Variants in FBXL20 observed in about 807,000 individuals in gnomAD.
FBXL20 encodes F-box and leucine rich repeat protein 20.
In FBXL20, 11 loss-of-function variants were observed where a neutral mutation model predicts 64.0. The ratio of observed to expected loss-of-function variants is 0.17; its 90% CI spans 0.11 to 0.28. FBXL20 has a LOEUF of 0.28. Ranked by LOEUF, FBXL20 falls within the 10% of genes least tolerant of loss-of-function variation. The pLI is 1.00. For missense variants in FBXL20, 303 were observed against 526.2 expected, an observed-to-expected ratio of 0.58 and a Z score of 4.15; for synonymous variants, 184 against 189.0, an observed-to-expected ratio of 0.97 and a Z score of 0.22.
intron 13 of FBXL20, 100 bp downstream of exon 13, chr17:39,265,297 C>T (rs575189843): frequency 3.0e-4 from 267 of 882,502 alleles, no homozygotes; most frequent in East Asian, 1.3e-3. Context: ...GCATCCTTTC[C>T]TAAAATGGTA....
intron 1 of FBXL20, among the ~76,000 whole-genome samples, chr17:39,388,590 T>C (rs2048105213): frequency 6.6e-6 from 1 of 150,516 alleles, no homozygotes; most frequent in African/African-American, 2.4e-5. Flanking sequence ...TTCAAGCAAT[T>C]CTCCTGCCTC....
intron 2 of FBXL20, among the ~76,000 whole-genome samples, chr17:39,330,405 G>A (rs1269002066): frequency 6.6e-6 from 1 of 152,136 alleles, no homozygotes; most frequent in African/African-American, 2.4e-5. Context: ...CATGAGGTCA[G>A]GAATTCAAGA....
intron 2 of FBXL20, among the ~76,000 whole-genome samples, chr17:39,329,034 C>G (rs2047435971): frequency 6.6e-6 from 1 of 151,866 alleles, no homozygotes; most frequent in Non-Finnish European, 1.5e-5. Context: ...GCCTGGGTGA[C>G]AGAGCAAGAC....
At chr17:39,274,055 T>A (rs370749795) in intron 10 of FBXL20, among the ~76,000 whole-genome samples, 5 of 151,930 alleles carry the variant, frequency 3.3e-5, no homozygotes, top group Non-Finnish European at 7.4e-5. Flanking sequence ...TTTTATTTTT[T>A]GTAGTGACAG....
intron 1 of FBXL20, among the ~76,000 whole-genome samples, chr17:39,353,599 CTTATTTATTTATTTAT>C (rs376084578): frequency 5.7e-5 from 8 of 140,236 alleles, no homozygotes; most frequent in African/African-American, 1.0e-4. Context: ...ACCACTACAC[CTTATTTATTTATTTAT>C]TTATTTATTT....
At chr17:39,329,529 T>C (rs1430923175) in intron 2 of FBXL20, among the ~76,000 whole-genome samples, 1 of 152,224 alleles carries the variant, frequency 6.6e-6, no homozygotes, top group Non-Finnish European at 1.5e-5. Flanking sequence ...ATAACAGTAC[T>C]GTGCCAATGC....
At chr17:39,338,682 A>G (rs958035377) in intron 2 of FBXL20, among the ~76,000 whole-genome samples, 7 of 152,192 alleles carry the variant, frequency 4.6e-5, no homozygotes, top group African/African-American at 1.7e-4. Flanking sequence ...AGTGACCAAA[A>G]TTAATATCAC....
At chr17:39,374,815 GTCTC>G (rs957238497) in intron 1 of FBXL20, among the ~76,000 whole-genome samples, 23 of 151,998 alleles carry the variant, frequency 1.5e-4, no homozygotes, top group African/African-American at 5.6e-4. Context: ...CTGAGATGGA[GTCTC>G]TCTCTCTTGC....
chr17:39,279,892 A>C (rs2046932879), intron 9 of FBXL20, among the ~76,000 whole-genome samples: 2 of 151,626 alleles, frequency 1.3e-5, no homozygotes, highest in Admixed American at 1.3e-4. Flanking sequence ...ACTCTGTCCC[A>C]AAAATTAGGC....
At chr17:39,326,802 G>A (rs948025925) in intron 2 of FBXL20, among the ~76,000 whole-genome samples, 3 of 150,252 alleles carry the variant, frequency 2.0e-5, no homozygotes, top group African/African-American at 4.9e-5. Flanking sequence ...ATACACACAC[G>A]CTTTTGTAGA....
intron 9 of FBXL20, among the ~76,000 whole-genome samples, chr17:39,275,727 C>T (rs1176495354): frequency 6.6e-6 from 1 of 151,248 alleles, no homozygotes; most frequent in African/African-American, 2.4e-5. Context: ...AATATTAAAA[C>T]CTAGAAAAAA....
chr17:39,268,209 C>T (rs373044785), intron 12 of FBXL20, among the ~76,000 whole-genome samples: 12 of 151,970 alleles, frequency 7.9e-5, no homozygotes, highest in African/African-American at 9.7e-5. Context: ...AAAAATCAGC[C>T]GGGTGTGGTG....
At chr17:39,342,879 C>T (rs1447485816) in intron 2 of FBXL20, among the ~76,000 whole-genome samples, 1 of 152,028 alleles carries the variant, frequency 6.6e-6, no homozygotes, top group African/African-American at 2.4e-5. Flanking sequence ...AAGACCCTGT[C>T]TCAAAACCAA....
chr17:39,377,350 C>A (rs946405336), intron 1 of FBXL20, among the ~76,000 whole-genome samples: 12 of 152,116 alleles, frequency 7.9e-5, no homozygotes, highest in African/African-American at 2.7e-4. Context: ...CTGACTTTCC[C>A]CCACCCACCA....
At chr17:39,319,673 C>CAAAAAAAAAAAAAA (rs71300077) in intron 2 of FBXL20, among the ~76,000 whole-genome samples, 2 of 47,304 alleles carry the variant, frequency 4.2e-5, no homozygotes, top group African/African-American at 1.5e-4. Context: ...GACTCCATAT[C>CAAAAAAAAAAAAAA]AAAAAAAAAA....
At chr17:39,388,248 G>C (rs1401917762) in intron 1 of FBXL20, among the ~76,000 whole-genome samples, 1 of 152,020 alleles carries the variant, frequency 6.6e-6, no homozygotes, top group Non-Finnish European at 1.5e-5. Context: ...CTTAAGCTCA[G>C]GAGTTTGAGA....
chr17:39,371,642 TC>T (rs1484327890), intron 1 of FBXL20, among the ~76,000 whole-genome samples: 2 of 151,800 alleles, frequency 1.3e-5, no homozygotes, highest in African/African-American at 4.8e-5. Context: ...TCTCCTAACT[TC>T]TTTTTGTTGT....
intron 12 of FBXL20, among the ~76,000 whole-genome samples, chr17:39,267,011 G>C (rs2144345223): frequency 6.6e-6 from 1 of 152,122 alleles, no homozygotes; most frequent in Middle Eastern, 3.4e-3. Context: ...CCAGCACTTT[G>C]GGAAGCTGAG....
chr17:39,320,422 T>C (rs987249271), intron 2 of FBXL20, among the ~76,000 whole-genome samples: 1 of 152,106 alleles, frequency 6.6e-6, no homozygotes, highest in African/African-American at 2.4e-5. Context: ...GCATAAAAGA[T>C]AAGTGGTATA....
Sources: gnomAD v4.1 joint callset for allele counts (sites outside exome capture counted in the v4.1 genomes callset) on GRCh38, gnomAD v4.1.1 for gene constraint, MANE v1.5 for transcripts, NCBI Gene and HGNC (gene_info 2026-07-23, HGNC 2026-07-21) for gene names.